Variants in AP3B1 observed in about 807,000 individuals in gnomAD.
AP3B1 encodes the protein AP-3 complex subunit beta-1.
Under a neutral mutation model 132.5 loss-of-function variants are expected in AP3B1, and 61 were observed. The observed-to-expected ratio is 0.46, with a 90% CI of 0.37 to 0.57. AP3B1 has a LOEUF of 0.57. Among genes scored for constraint, AP3B1 ranks in the 20% least tolerant of loss-of-function variants. The pLI is 0.00. For synonymous variants in AP3B1, 388 were observed against 438.3 expected (o/e 0.89, Z 1.43); for missense variants, 1,120 against 1,289.4 (o/e 0.87, Z 2.01).
rs191972581 is a variant in AP3B1 at position 78,056,598 on chromosome 5, T to C, written c.2578-17324A>G. On this transcript the variant is annotated intron_variant, in intron 22 of 26. Transcript: ENST00000255194. ...CAAAGGCCTTTACAAAAGTAATCCC[T>C]TCCCCCGCATCTGTTTTTCCCTCCT... is the stretch of plus-strand genomic sequence containing the variant. Among the ~76,000 whole-genome samples, 16 of 152,292 alleles carry C rather than the reference T, an allele frequency of 1.1e-4. No individual in the cohort carries two copies. In the East Asian group the frequency reaches 2.7e-3, roughly 26 times the overall value.
intron 22 of AP3B1, among the ~76,000 whole-genome samples, chr5:78,065,091 A>G (rs957305580): frequency 5.3e-5 from 8 of 152,192 alleles, no homozygotes; most frequent in Non-Finnish European, 1.5e-5. Flanking sequence ...CAGGAGCCAC[A>G]TGGGGCAAGA....
Position 78,128,001 on chromosome 5 carries a change from CA to C in AP3B1, c.1968+28del, listed in dbSNP as rs768886182. On this transcript the variant is annotated intron_variant, in intron 17 of 26. Coordinates refer to ENST00000255194, the MANE Select transcript of AP3B1 (RefSeq NM_003664.5). Reference sequence around the variant, plus strand: ...ATCCTAGAGTCTTCCACTGCTTTGGCAAAATTAATTTCAGAAAGGTCAACTT... The same window carrying C: ...ATCCTAGAGTCTTCCACTGCTTTGGCAAATTAATTTCAGAAAGGTCAACTT... 6 of 1,609,596 alleles carry C rather than the reference CA, an allele frequency of 3.7e-6. No individual in the cohort carries two copies. The African/African-American group carries it at 8.0e-5, about 21-fold the overall frequency.
intron 6 of AP3B1, among the ~76,000 whole-genome samples, chr5:78,224,540 A>G (rs1746322551): frequency 6.6e-6 from 1 of 152,146 alleles, no homozygotes; most frequent in Non-Finnish European, 1.5e-5. Context: ...TGGATTAAAC[A>G]TTCCAATTAA....
intron 24 of AP3B1, among the ~76,000 whole-genome samples, chr5:78,028,193 C>A (rs1747417928): frequency 6.8e-6 from 1 of 146,544 alleles, no homozygotes; most frequent in African/African-American, 2.6e-5. Context: ...TGCTGTGGCT[C>A]ACGCCTGTAA....
chr5:78,256,792 T>C (rs1349234603), intron 2 of AP3B1, among the ~76,000 whole-genome samples: 1 of 152,030 alleles, frequency 6.6e-6, no homozygotes, highest in Non-Finnish European at 1.5e-5. Flanking sequence ...AAAGCTGAGT[T>C]CAACAATACA....
intron 11 of AP3B1, among the ~76,000 whole-genome samples, chr5:78,166,135 A>T (rs1006429368): frequency 4.8e-4 from 65 of 135,214 alleles, no homozygotes; most frequent in African/African-American, 1.5e-3. Context: ...ACACACACAC[A>T]CACACACACA....
intron 21 of AP3B1, among the ~76,000 whole-genome samples, chr5:78,093,441 T>C (rs1338333713): frequency 6.6e-6 from 1 of 152,250 alleles, no homozygotes; most frequent in East Asian, 1.9e-4. Context: ...GATTTGCATA[T>C]GAAGAGAATC....
At chr5:78,292,874 C>CTTTTTCTTT (rs1198604520) in intron 1 of AP3B1, among the ~76,000 whole-genome samples, 2 of 151,236 alleles carry the variant, frequency 1.3e-5, no homozygotes, top group Non-Finnish European at 3.0e-5. Context: ...TGACAAAAAT[C>CTTTTTCTTT]TTTTTCTTTT....
chr5:78,135,263 T>G (rs1012876885), intron 15 of AP3B1, among the ~76,000 whole-genome samples: 5 of 152,054 alleles, frequency 3.3e-5, no homozygotes, highest in African/African-American at 1.2e-4. Context: ...CTGACAGAGA[T>G]AGTAATTAAA....
intron 17 of AP3B1, among the ~76,000 whole-genome samples, chr5:78,120,792 A>G (rs1277667327): frequency 6.6e-6 from 1 of 152,210 alleles, no homozygotes; most frequent in Non-Finnish European, 1.5e-5. Flanking sequence ...AACGAGACAG[A>G]AATTTAACAA....
At chr5:78,075,549 A>G (rs1298229402) in intron 22 of AP3B1, among the ~76,000 whole-genome samples, 1 of 152,210 alleles carries the variant, frequency 6.6e-6, no homozygotes, top group Non-Finnish European at 1.5e-5. Flanking sequence ...TTTCGACAAT[A>G]GCAAAAATCC....
chr5:78,105,307 A>T (rs1287495567), intron 20 of AP3B1, among the ~76,000 whole-genome samples: 1 of 152,118 alleles, frequency 6.6e-6, no homozygotes, highest in Non-Finnish European at 1.5e-5. Flanking sequence ...GTGGAGGAGC[A>T]CTCTAATATA....
chr5:78,290,774 C>T (rs970534770), intron 1 of AP3B1, among the ~76,000 whole-genome samples: 7 of 151,992 alleles, frequency 4.6e-5, no homozygotes, highest in Non-Finnish European at 1.0e-4. Flanking sequence ...CATGGCAAGA[C>T]CCCATCTCTA....
intron 22 of AP3B1, chr5:78,043,981 A>G: frequency 3.3e-6 from 1 of 303,858 alleles, no homozygotes; most frequent in Non-Finnish European, 6.5e-6. Context: ...CTTACAGGAA[A>G]TCTTGTCCAA....
chr5:78,178,178 G>A (rs1744227958), intron 8 of AP3B1, among the ~76,000 whole-genome samples: 2 of 152,148 alleles, frequency 1.3e-5, no homozygotes, highest in Admixed American at 1.3e-4. Flanking sequence ...ACAGTAACTA[G>A]TAGGCTGAAA....
At chr5:78,111,815 T>A (rs1016720932) in intron 19 of AP3B1, among the ~76,000 whole-genome samples, 2 of 152,200 alleles carry the variant, frequency 1.3e-5, no homozygotes, top group Non-Finnish European at 2.9e-5. Context: ...ATACTAATTA[T>A]CTAATTTAAA....
At chr5:78,197,321 T>G (rs1745114938) in intron 7 of AP3B1, among the ~76,000 whole-genome samples, 1 of 152,158 alleles carries the variant, frequency 6.6e-6, no homozygotes, top group African/African-American at 2.4e-5. Context: ...CTTTTCACTT[T>G]GCTCTAAAAC....
intron 7 of AP3B1, among the ~76,000 whole-genome samples, chr5:78,215,738 A>T (rs1251084723): frequency 6.6e-6 from 1 of 152,114 alleles, no homozygotes; most frequent in Non-Finnish European, 1.5e-5. Flanking sequence ...ACTAGTAACC[A>T]AAAAAATCCA....
Position 78,129,234 on chromosome 5 carries a change from C to T in AP3B1, c.1724G>A (p.Arg575Lys). ...CGGAACAATAAGCTGCCTAATAAAT[C>T]TTGTACGGTCTCTGATGTCGTAGTT... ...DQNYDIRDRT[R>K]FIRQLIVPNV... The change falls in exon 16 of 27, where the codon AGA becomes AAA. Residue 575 changes from arginine (R) to lysine (K), a missense_variant. Arg to Lys is a conservative substitution (Grantham distance 26). This residue lies in a region of AP3B1 where 906 missense variants were observed against 997.1 expected (regional missense o/e 0.91). Transcript: ENST00000255194. 1 of 1,613,302 alleles carries T rather than the reference C, an allele frequency of 6.2e-7. No individual in the cohort carries two copies. Among genetic ancestry groups the T allele is most frequent in the Non-Finnish European group, 8.5e-7 (1 of 1,179,424 alleles).
Sources: allele counts gnomAD v4.1 joint callset (sites outside exome capture counted in the v4.1 genomes callset), GRCh38; gene constraint gnomAD v4.1.1; regional missense constraint gnomAD v4.1.1; transcripts MANE v1.5; gene names NCBI Gene and HGNC (gene_info 2026-07-23, HGNC 2026-07-21).